ITGB7: variants seen among roughly 807,000 people sequenced by gnomAD.
ITGB7 encodes the protein integrin beta-7.
A neutral mutation model predicts 83.4 loss-of-function variants in ITGB7; 55 were observed. The observed-to-expected ratio is 0.66, with a 90% CI of 0.53 to 0.83. The LOEUF (loss-of-function observed/expected upper bound fraction) is 0.83. Among genes scored for constraint, ITGB7 ranks in the 40% least tolerant of loss-of-function variants. The pLI is 0.00. For missense variants in ITGB7, 921 were observed against 1,046.7 expected (o/e 0.88, Z 1.66); for synonymous variants, 454 against 423.6 (o/e 1.07, Z -0.88).
At chr12:53,195,333 A>C (rs767069530) in intron 9 of ITGB7, 41 bp downstream of exon 9, 2 of 1,451,162 alleles carry the variant, frequency 1.4e-6, no homozygotes, top group South Asian at 2.3e-5. Flanking sequence ...ACCTTTCCCT[A>C]GTGCCCACCC....
chr12:53,194,406 A>G, intron 9 of ITGB7, 62 bp from the exon 10 acceptor site: 2 of 1,543,960 alleles, frequency 1.3e-6, no homozygotes, highest in Non-Finnish European at 1.8e-6. Context: ...ACCCCACCTT[A>G]TGTCCTCTCC....
Position 53,196,669 on chromosome 12 carries a change from G to A in ITGB7, c.726C>T (p.Phe242=), listed in dbSNP as rs773004203. 15 of 1,611,408 alleles carry A rather than the reference G, an allele frequency of 9.3e-6. No individual in the cohort carries two copies. The highest frequency in any genetic ancestry group is 1.6e-4 in the Middle Eastern group (1 of 6,082). Residue 242 remains phenylalanine (F), a synonymous_variant, in exon 6 of 16, where the codon TTC becomes TTT. Coordinates refer to ENST00000267082, the MANE Select transcript of ITGB7 (RefSeq NM_000889.3). ...CACTCTGGCGCCCCACCTCCCGCTC[G>A]AAGGCTTGTGCGTCCCCCGTCAGGG... ...VLSLTGDAQA[F]EREVGRQSVS... is the part of the protein sequence containing the mutation.
rs535355366 is a variant in ITGB7 at position 53,205,810 on chromosome 12, T to C, written c.-127+1392A>G. 2.0e-5 allele frequency among the ~76,000 whole-genome samples: 3 copies of C among 151,892 alleles called. No homozygotes were observed. The South Asian group carries it at 6.3e-4, about 32-fold the overall frequency. ...CACAGAGTGTGGGAAAGGGGTGGGG[T>C]GTTGAGTCCTTGAATGTCCTGGTCC... On this transcript the variant is annotated intron_variant, in intron 1 of 15. Coordinates refer to ENST00000267082, the MANE Select transcript of ITGB7 (RefSeq NM_000889.3).
At position 53,193,910 on chromosome 12, in the gene ITGB7, A is replaced by G; in HGVS notation, c.1309-9T>C. On this transcript the variant is annotated splice_polypyrimidine_tract_variant and intron_variant, in intron 10 of 15. Coordinates refer to ENST00000267082, the MANE Select transcript of ITGB7 (RefSeq NM_000889.3). ...GAAACCCAGAAAGTCACCTGAGAAG[A>G]GGCAGGAATCAGGCCATGGTTATAC... The G allele has an allele frequency of 1.2e-6, 2 of 1,609,448 alleles. No homozygotes were observed. Among genetic ancestry groups the G allele is most frequent in the Non-Finnish European group, 1.7e-6 (2 of 1,177,566 alleles).
In ITGB7 at chr12:53,191,373, C is replaced by T; in HGVS notation, c.*183G>A. 2 of 619,000 alleles carry T rather than the reference C, an allele frequency of 3.2e-6. No homozygotes were observed. Among genetic ancestry groups the T allele is most frequent in the Non-Finnish European group, 5.8e-6 (2 of 342,962 alleles). 38.3% of individuals were successfully genotyped at this position (619,000 alleles called of 1,614,324 possible). A position where few individuals can be genotyped will look rare whatever the true frequency, so the allele number is the denominator to read the frequency against. On this transcript the variant is annotated 3_prime_UTR_variant, in exon 16 of 16. Coordinates refer to ENST00000267082, the MANE Select transcript of ITGB7 (RefSeq NM_000889.3). Reference sequence around the variant, plus strand: ...TTGGGTGGGGTAGCCCAGATGGATGCAAGGTTGCAGGCATGGGAAGCAGCC... The same window carrying T: ...TTGGGTGGGGTAGCCCAGATGGATGTAAGGTTGCAGGCATGGGAAGCAGCC...
chr12:53,193,393 G>C, intron 11 of ITGB7, 30 bp from the exon 12 acceptor site: 1 of 1,484,026 alleles, frequency 6.7e-7, no homozygotes, highest in East Asian at 2.4e-5. Flanking sequence ...GAGAGAAGTA[G>C]GTCAGAGGGT....
rs774660273 is a variant in ITGB7 at position 53,196,578 on chromosome 12, C to A, written c.816+1G>T. ...CTCAGATCCCCGCCCCACCTCCTCA[C>A]CTGGCAGAGTGCAGCCTGCAGAATG... On this transcript the variant is annotated splice_donor_variant, in intron 6 of 15. Transcript: ENST00000267082. LOFTEE classifies it high-confidence loss of function. 7 of 1,607,524 alleles carry A rather than the reference C, an allele frequency of 4.4e-6. No individual in the cohort carries two copies. The highest frequency in any genetic ancestry group is 6.0e-6 in the Non-Finnish European group (7 of 1,174,920).
intron 2 of ITGB7, 57 bp from the exon 3 acceptor site, chr12:53,200,503 C>T (rs769289618): frequency 2.5e-4 from 363 of 1,457,812 alleles, no homozygotes; most frequent in Middle Eastern, 3.6e-4. Context: ...CTCAAACTCT[C>T]AGTCCTCTAA....
At position 53,200,270 on chromosome 12, in the gene ITGB7, GT is replaced by G; in HGVS notation, c.173del (p.His58ProfsTer10). On this transcript the variant is annotated frameshift_variant, in exon 3 of 16. Transcript: ENST00000267082. LOFTEE classifies it high-confidence loss of function. ...APSCQKCILS[H>X]PSCAWCKQLN... The stretch of plus-strand genomic sequence containing the variant: ...GTTGCTTGCACCATGCACAGCTGGG[GT>G]GTGAGAGGATGCACTTCTGGCAGGA... 6.2e-7 allele frequency: 1 copy of G among 1,614,080 alleles called. No individual in the cohort carries two copies. Among genetic ancestry groups the G allele is most frequent in the Non-Finnish European group, 8.5e-7 (1 of 1,180,018 alleles).
Position 53,191,579 on chromosome 12 carries a change from C to T in ITGB7, c.2374G>A (p.Glu792Lys), listed in dbSNP as rs772454144. ...CTTCAGAGAGTGGGACTGTCTGCCT[C>T]TTGAAAGCGAGGATTGATGGTGGTC... ...ITTTINPRFQ[E>K]ADSPTL Residue 792 changes from glutamate (E) to lysine (K), a missense_variant, in exon 16 of 16, where the codon GAG becomes AAG. By Grantham distance (56) the Glu-to-Lys change is moderately conservative. Coordinates refer to ENST00000267082, the MANE Select transcript of ITGB7 (RefSeq NM_000889.3). The T allele has an allele frequency of 6.2e-7, 1 of 1,613,642 alleles. No homozygotes were observed. The highest frequency in any genetic ancestry group is 1.7e-5 in the Admixed American group (1 of 60,022).
rs181962524 is a variant in ITGB7, at chr12:53,193,022, C to T, written c.1727-112G>A. ...CTTTTTGAAGTATGCCAACCACACC[C>T]TCTAACCCATACACCGGAATCTTTT... On this transcript the variant is annotated intron_variant, in intron 12 of 15. Coordinates refer to ENST00000267082, the MANE Select transcript of ITGB7 (RefSeq NM_000889.3). 1.6e-5 allele frequency: 22 copies of T among 1,358,190 alleles called. No homozygotes were observed. In the African/African-American group the frequency reaches 1.7e-4, roughly 11 times the overall value. The allele number at this position is 1,358,190 out of a possible 1,614,324, so 84.1% of individuals were successfully genotyped here.
intron 1 of ITGB7, among the ~76,000 whole-genome samples, chr12:53,202,381 G>A (rs979263343): frequency 6.6e-6 from 1 of 151,524 alleles, no homozygotes; most frequent in Non-Finnish European, 1.5e-5. Context: ...TTGTTTTTTT[G>A]AGATGGAGTC....
Position 53,193,717 on chromosome 12 carries a change from C to T in ITGB7, c.1493G>A (p.Gly498Asp), listed in dbSNP as rs1488577123. The T allele has an allele frequency of 1.2e-6, 2 of 1,612,242 alleles. No individual in the cohort carries two copies. Among genetic ancestry groups the T allele is most frequent in the Non-Finnish European group, 1.7e-6 (2 of 1,179,036 alleles). The stretch of plus-strand genomic sequence containing the variant: ...AAGAGGAGGCCCTCACCTGCATACA[C>T]CACATTGTAGGTGTCCCTGGCCATC... ...CSDGQGHLQC[G>D]VCSCAPGRLG... The change falls in exon 11 of 16, where the codon GGT becomes GAT. Residue 498 changes from glycine to aspartate, a missense_variant. Coordinates refer to ENST00000267082, the MANE Select transcript of ITGB7 (RefSeq NM_000889.3).
intron 1 of ITGB7, among the ~76,000 whole-genome samples, chr12:53,203,163 T>G (rs1355800237): frequency 6.6e-6 from 1 of 152,138 alleles, no homozygotes; most frequent in Non-Finnish European, 1.5e-5. Context: ...GGAGAAAATA[T>G]TTGCAGATTA....
rs1221391216 is a variant in ITGB7, at chr12:53,191,440, C to T, written c.*116G>A. ...TGAAAATGAAGTAGGGTGGTGGCCG[C>T]ACCTCGCCAGTGAATTAGTCCCCTA... On this transcript the variant is annotated 3_prime_UTR_variant, in exon 16 of 16. Transcript: ENST00000267082. 4 of 827,596 alleles carry T rather than the reference C, an allele frequency of 4.8e-6. No individual in the cohort carries two copies. The highest frequency in any genetic ancestry group is 8.4e-6 in the Non-Finnish European group (4 of 478,086). The allele number at this position is 827,596 out of a possible 1,614,324, so 51.3% of individuals were successfully genotyped here.
At chr12:53,199,784 G>C (rs1942279396) in intron 3 of ITGB7, among the ~76,000 whole-genome samples, 1 of 149,946 alleles carries the variant, frequency 6.7e-6, no homozygotes, top group African/African-American at 2.4e-5. Context: ...CCAGCACTTT[G>C]ATCTTGGACT....
intron 1 of ITGB7, among the ~76,000 whole-genome samples, chr12:53,201,755 A>G (rs1942327085): frequency 6.6e-6 from 1 of 152,166 alleles, no homozygotes; most frequent in Admixed American, 6.5e-5. Context: ...TACAGTGATC[A>G]AGACAGCATT....
In ITGB7 at chr12:53,191,475, T is replaced by C. The variant is rs538938979; in HGVS notation, c.*81A>G. 8.7e-7 allele frequency: 1 copy of C among 1,149,990 alleles called. No homozygotes were observed. The highest frequency in any genetic ancestry group is 2.3e-5 in the East Asian group (1 of 42,696). The allele number at this position is 1,149,990 out of a possible 1,614,324, so 71.2% of individuals were successfully genotyped here. ...GTGAATTAGTCCCCTACCAAGGTCT[T>C]ACAGACCCACCCTTCCTCTCACCCT... On this transcript the variant is annotated 3_prime_UTR_variant, in exon 16 of 16. Transcript: ENST00000267082.
In ITGB7 at chr12:53,197,942, C is replaced by T; in HGVS notation, c.211G>A (p.Ala71Thr). 6.5e-7 allele frequency: 1 copy of T among 1,540,418 alleles called. No homozygotes were observed. The highest frequency in any genetic ancestry group is 1.4e-5 in the African/African-American group (1 of 73,012). ...CAWCKQLNFT[A>T]SGEAEARRCA... ...CGCCGCGCCTCCGCCTCTCCCGACG[C>T]GGTGAAGTTCTGCTCAGCAAGAAAA... The change falls in exon 4 of 16, where the codon GCG (alanine) becomes ACG (threonine). Residue 71 changes from alanine (A) to threonine (T), a missense_variant. Transcript: ENST00000267082.
Sources: allele counts gnomAD v4.1 joint callset (sites outside exome capture counted in the v4.1 genomes callset), GRCh38; gene constraint gnomAD v4.1.1; transcripts MANE v1.5; gene names NCBI Gene and HGNC (gene_info 2026-07-23, HGNC 2026-07-21).